Variants in CTNND2 observed in about 807,000 individuals in gnomAD.
The protein encoded by CTNND2 is catenin delta 2.
A neutral mutation model predicts 144.4 loss-of-function variants in CTNND2; 22 were observed. The ratio of observed to expected loss-of-function variants is 0.15; its 90% CI spans 0.11 to 0.22. CTNND2 has a LOEUF of 0.22. Ranked by LOEUF, CTNND2 falls within the 10% of genes least tolerant of loss-of-function variation. The pLI is 1.00. For missense variants in CTNND2, 1,353 were observed against 1,618.8 expected (o/e 0.84, Z 2.82); for synonymous variants, 751 against 695.6 (o/e 1.08, Z -1.25).
At chr5:11,671,121 T>G (rs1783855498) in intron 2 of CTNND2, among the ~76,000 whole-genome samples, 1 of 152,252 alleles carries the variant, frequency 6.6e-6, no homozygotes, top group South Asian at 2.1e-4. Context: ...TCTTCTGGCT[T>G]GTAGAGTTTC....
rs112887223 is a variant in CTNND2, at chr5:11,869,931, C to T, written c.37+33886G>A. Among the ~76,000 whole-genome samples the T allele has an allele frequency of 8.2e-3, 1,244 of 152,156 alleles. 18 individuals carry two copies. The highest frequency in any genetic ancestry group is 0.027 in the African/African-American group (1,117 of 41,492). ...AATATTCTAATTCCCCTGACACAAC[C>T]GTAATTGGTAGCAGGATGAAAATCT... is the stretch of plus-strand genomic sequence containing the variant. On this transcript the variant is annotated intron_variant, in intron 1 of 21. Transcript: ENST00000304623.
intron 1 of CTNND2, among the ~76,000 whole-genome samples, chr5:11,825,371 G>A (rs1793544708): frequency 1.3e-5 from 2 of 152,046 alleles, no homozygotes; most frequent in South Asian, 2.1e-4. Context: ...GAAAAAAGGA[G>A]GAGTGAATTT....
chr5:11,556,256 A>G (rs1224041006), intron 3 of CTNND2, among the ~76,000 whole-genome samples: 1 of 152,182 alleles, frequency 6.6e-6, no homozygotes, highest in Non-Finnish European at 1.5e-5. Context: ...GGTAAACAGT[A>G]AAAAGCATAT....
chr5:11,646,983 C>T (rs1782390365), intron 2 of CTNND2, among the ~76,000 whole-genome samples: 1 of 152,218 alleles, frequency 6.6e-6, no homozygotes, highest in Admixed American at 6.5e-5. Context: ...CCTTCTAAAA[C>T]TGACCTTTAT....
intron 9 of CTNND2, among the ~76,000 whole-genome samples, chr5:11,247,610 TAGTC>T (rs2149923846): frequency 6.6e-6 from 1 of 152,360 alleles, no homozygotes; most frequent in East Asian, 1.9e-4. Flanking sequence ...ACATTAATCT[TAGTC>T]AAGCAATGGG....
At chr5:11,009,674 G>A (rs369706366) in intron 18 of CTNND2, among the ~76,000 whole-genome samples, 5 of 152,310 alleles carry the variant, frequency 3.3e-5, no homozygotes, top group Non-Finnish European at 4.4e-5. Flanking sequence ...TGTTACGAGC[G>A]AAGCCTTGTG....
chr5:11,501,749 C>G (rs964101130), intron 3 of CTNND2, among the ~76,000 whole-genome samples: 1 of 151,452 alleles, frequency 6.6e-6, no homozygotes, highest in African/African-American at 2.4e-5. Flanking sequence ...TGGCTCACAC[C>G]TGTAATACCA....
In CTNND2 at chr5:11,771,192, C is replaced by CTTTTTTTTTTTT. The variant is rs34686102; in HGVS notation, c.38-38932_38-38921dup. On this transcript the variant is annotated intron_variant, in intron 1 of 21. Coordinates refer to ENST00000304623, the MANE Select transcript of CTNND2 (RefSeq NM_001332.4). Reference sequence around the variant, plus strand: ...CTCTATCATGAACCCACATTGTTAGCTTTTTTTTTTTTTTTTTGGGATGGA... The same window carrying CTTTTTTTTTTTT: ...CTCTATCATGAACCCACATTGTTAGCTTTTTTTTTTTTTTTTTTTTTTTTTTTTTGGGATGGA... Among the ~76,000 whole-genome samples the CTTTTTTTTTTTT allele has an allele frequency of 6.6e-4, 68 of 103,730 alleles. 1 individual carries two copies. The highest frequency in any genetic ancestry group is 9.3e-4 in the Admixed American group (7 of 7,554). The allele number at this position is 103,730 out of a possible 152,430, so 68.1% of individuals were successfully genotyped here. A position where few individuals can be genotyped will look rare whatever the true frequency, so the allele number is the denominator to read the frequency against.
At chr5:11,721,694 T>A (rs1786691699) in intron 2 of CTNND2, among the ~76,000 whole-genome samples, 1 of 152,234 alleles carries the variant, frequency 6.6e-6, no homozygotes, top group South Asian at 2.1e-4. Context: ...CAGATGGTGC[T>A]GCATGCCTGG....
At chr5:11,713,424 C>T (rs1191590803) in intron 2 of CTNND2, among the ~76,000 whole-genome samples, 1 of 151,594 alleles carries the variant, frequency 6.6e-6, no homozygotes, top group East Asian at 1.9e-4. Flanking sequence ...ACTAAAAATA[C>T]AACAATTAGC....
At chr5:11,140,705 G>A (rs1009291781) in intron 12 of CTNND2, among the ~76,000 whole-genome samples, 1 of 152,094 alleles carries the variant, frequency 6.6e-6, no homozygotes, top group Non-Finnish European at 1.5e-5. Flanking sequence ...TGGAAAGAAG[G>A]ATCTGGGAAA....
intron 18 of CTNND2, among the ~76,000 whole-genome samples, chr5:10,993,541 G>C (rs796613514): frequency 1.1e-4 from 16 of 152,182 alleles, no homozygotes; most frequent in African/African-American, 3.9e-4. Context: ...GCAGTCACCT[G>C]CTCCACCCCC....
chr5:11,007,863 G>T (rs560684569), intron 18 of CTNND2, among the ~76,000 whole-genome samples: 2 of 152,194 alleles, frequency 1.3e-5, no homozygotes, highest in Admixed American at 6.5e-5. Flanking sequence ...CTTCACTTTC[G>T]CACCGTGTAA....
intron 9 of CTNND2, among the ~76,000 whole-genome samples, chr5:11,263,903 T>C (rs563591358): frequency 2.0e-5 from 3 of 152,362 alleles, no homozygotes; most frequent in South Asian, 4.1e-4. Flanking sequence ...ATAGCTCAGA[T>C]GCAGTGGATT....
chr5:11,250,491 C>CTCTCTCTCTCTA (rs869141186), intron 9 of CTNND2, among the ~76,000 whole-genome samples: 75 of 64,098 alleles, frequency 1.2e-3, no homozygotes, highest in African/African-American at 2.1e-3. Flanking sequence ...CTCTCTCTCT[C>CTCTCTCTCTCTA]TATATATATA....
At chr5:11,460,463 A>G (rs753262636) in intron 3 of CTNND2, among the ~76,000 whole-genome samples, 5 of 152,216 alleles carry the variant, frequency 3.3e-5, no homozygotes, top group Non-Finnish European at 7.3e-5. Context: ...TTTAATACTG[A>G]GAAGTGTGTT....
At chr5:11,413,391 A>C (rs772109498) in intron 3 of CTNND2, among the ~76,000 whole-genome samples, 13 of 152,210 alleles carry the variant, frequency 8.5e-5, no homozygotes, top group Non-Finnish European at 1.8e-4. Flanking sequence ...TTCAAGAATC[A>C]CCAATTCAAA....
At chr5:11,495,346 C>T (rs1022379418) in intron 3 of CTNND2, among the ~76,000 whole-genome samples, 4 of 152,130 alleles carry the variant, frequency 2.6e-5, no homozygotes, top group African/African-American at 9.7e-5. Flanking sequence ...AGTAGCATTG[C>T]TGATATTTAC....
At chr5:11,248,934 T>A (rs1313468820) in intron 9 of CTNND2, among the ~76,000 whole-genome samples, 2 of 152,244 alleles carry the variant, frequency 1.3e-5, no homozygotes, top group Admixed American at 6.5e-5. Flanking sequence ...CAACTTAATT[T>A]ATCTCAGATA....
Sources: gnomAD v4.1 joint callset for allele counts (sites outside exome capture counted in the v4.1 genomes callset) on GRCh38, gnomAD v4.1.1 for gene constraint, MANE v1.5 for transcripts, NCBI Gene and HGNC (gene_info 2026-07-23, HGNC 2026-07-21) for gene names.